Variants in IL1RAPL2 observed in about 807,000 individuals in gnomAD.
IL1RAPL2 encodes the protein X-linked interleukin-1 receptor accessory protein-like 2.
A neutral mutation model predicts 44.1 loss-of-function variants in IL1RAPL2; 3 were observed. That is an observed-to-expected ratio of 0.07 (90% confidence interval 0.03 to 0.18). IL1RAPL2 has a LOEUF of 0.18. Among genes scored for constraint, IL1RAPL2 ranks in the 10% least tolerant of loss-of-function variants. The pLI is 1.00. For synonymous variants in IL1RAPL2, 181 were observed against 178.8 expected (o/e 1.01, Z -0.10); for missense variants, 391 against 496.4 (o/e 0.79, Z 2.02).
At chrX:104,575,958 A>G (rs1928236968) in intron 1 of IL1RAPL2, among the ~76,000 whole-genome samples, 1 of 111,477 alleles carries the variant, frequency 9.0e-6, no homozygotes, top group South Asian at 3.8e-4. Flanking sequence ...CCTAACGTCT[A>G]TTTCCTAGGT....
chrX:104,634,317 T>C (rs1480830622), intron 1 of IL1RAPL2, among the ~76,000 whole-genome samples: 1 of 111,865 alleles, frequency 8.9e-6, no homozygotes, highest in African/African-American at 3.3e-5. Context: ...GAATGTATAT[T>C]CTGTTGATTT....
At chrX:105,112,836 T>C (rs1428613662) in intron 2 of IL1RAPL2, among the ~76,000 whole-genome samples, 1 of 112,840 alleles carries the variant, frequency 8.9e-6, no homozygotes, top group Non-Finnish European at 1.9e-5. Flanking sequence ...GCTTTCTTGG[T>C]GCCCTTAAGG....
At chrX:105,763,739 C>A (rs1440990461) in intron 10 of IL1RAPL2, among the ~76,000 whole-genome samples, 1 of 110,891 alleles carries the variant, frequency 9.0e-6, no homozygotes, top group Non-Finnish European at 1.9e-5. Flanking sequence ...TCCTAAGAGC[C>A]AGTCAGCTCT....
At chrX:104,871,678 C>A (rs1368804043) in intron 2 of IL1RAPL2, among the ~76,000 whole-genome samples, 1 of 110,966 alleles carries the variant, frequency 9.0e-6, no homozygotes, top group Non-Finnish European at 1.9e-5. Context: ...TGGAAGGATT[C>A]AAATATGACA....
At chrX:105,624,615 C>CCCT (rs1214958417) in intron 6 of IL1RAPL2, among the ~76,000 whole-genome samples, 1 of 110,862 alleles carries the variant, frequency 9.0e-6, no homozygotes, top group Non-Finnish European at 1.9e-5. Flanking sequence ...TAGCATTCAC[C>CCCT]CCTAGATATG....
intron 5 of IL1RAPL2, among the ~76,000 whole-genome samples, chrX:105,394,165 A>G (rs1355663053): frequency 7.1e-5 from 8 of 112,271 alleles, no homozygotes; most frequent in Admixed American, 6.6e-4. Flanking sequence ...CAGCATATCT[A>G]TAAGTCTTGG....
At chrX:105,097,543 C>T (rs1279709661) in intron 2 of IL1RAPL2, among the ~76,000 whole-genome samples, 1 of 110,530 alleles carries the variant, frequency 9.0e-6, no homozygotes, top group Non-Finnish European at 1.9e-5. Context: ...CAAGATTAAG[C>T]AACATTAAAT....
intron 5 of IL1RAPL2, among the ~76,000 whole-genome samples, chrX:105,441,625 G>T (rs934097519): frequency 2.7e-5 from 3 of 111,375 alleles, no homozygotes; most frequent in Non-Finnish European, 5.6e-5. Flanking sequence ...AGATTCAAAC[G>T]TTCTCTCATA....
chrX:104,921,784 G>A (rs1017653767), intron 2 of IL1RAPL2, among the ~76,000 whole-genome samples: 2 of 112,448 alleles, frequency 1.8e-5, no homozygotes, highest in Non-Finnish European at 3.8e-5. Context: ...TATCATGAAT[G>A]CCTGGAATGG....
intron 7 of IL1RAPL2, among the ~76,000 whole-genome samples, chrX:105,732,497 A>T (rs2038414748): frequency 9.1e-6 from 1 of 110,031 alleles, no homozygotes; most frequent in African/African-American, 3.3e-5. Flanking sequence ...CTGCTATGTG[A>T]GGATGCCTTG....
intron 2 of IL1RAPL2, among the ~76,000 whole-genome samples, chrX:104,709,601 C>T (rs1170776200): frequency 1.8e-5 from 2 of 111,056 alleles, no homozygotes; most frequent in African/African-American, 6.5e-5. Flanking sequence ...TCATTCATGA[C>T]TCTTCTCTTT....
At chrX:105,406,018 G>A (rs1195641917) in intron 5 of IL1RAPL2, 43 of 1,205,594 alleles carry the variant, frequency 3.6e-5, no homozygotes, top group Non-Finnish European at 4.7e-5. Context: ...CACACAGACT[G>A]GCTGACATTA....
At chrX:105,638,578 TA>T (rs1478648492) in intron 6 of IL1RAPL2, among the ~76,000 whole-genome samples, 2 of 112,178 alleles carry the variant, frequency 1.8e-5, no homozygotes, top group African/African-American at 3.2e-5. Flanking sequence ...ATCATAATTC[TA>T]ATCAACATGA....
chrX:105,616,219 A>T (rs1361500545), intron 6 of IL1RAPL2, among the ~76,000 whole-genome samples: 1 of 112,051 alleles, frequency 8.9e-6, no homozygotes, highest in Non-Finnish European at 1.9e-5. Context: ...ATGCATGAGC[A>T]AGAGTGCGAA....
intron 1 of IL1RAPL2, among the ~76,000 whole-genome samples, chrX:104,642,104 C>T (rs1018267642): frequency 1.8e-5 from 2 of 111,467 alleles, no homozygotes; most frequent in African/African-American, 3.3e-5. Flanking sequence ...CCCTTTCCCT[C>T]AATTGGAAAG....
intron 1 of IL1RAPL2, among the ~76,000 whole-genome samples, chrX:104,595,432 T>C (rs186653877): frequency 2.7e-5 from 3 of 111,188 alleles, no homozygotes; most frequent in Non-Finnish European, 3.8e-5. Flanking sequence ...GGTGGTGATG[T>C]TGGATTTACT....
chrX:105,526,973 G>A (rs2036599154), intron 6 of IL1RAPL2, among the ~76,000 whole-genome samples: 1 of 111,368 alleles, frequency 9.0e-6, no homozygotes, highest in Non-Finnish European at 1.9e-5. Flanking sequence ...ATAACAATAA[G>A]GTTGAGCAAG....
chrX:104,629,414 G>A (rs770481175), intron 1 of IL1RAPL2, among the ~76,000 whole-genome samples: 1 of 111,761 alleles, frequency 8.9e-6, no homozygotes, highest in Non-Finnish European at 1.9e-5. Context: ...TGAGCTCCTT[G>A]TGTATTCTGT....
intron 2 of IL1RAPL2, among the ~76,000 whole-genome samples, chrX:105,072,878 T>C (rs2032227417): frequency 9.2e-6 from 1 of 108,959 alleles, no homozygotes; most frequent in African/African-American, 3.4e-5. Context: ...ATTGTTCAGC[T>C]CCTACTTACG....
Sources: allele counts gnomAD v4.1 joint callset (sites outside exome capture counted in the v4.1 genomes callset), GRCh38; gene constraint gnomAD v4.1.1; transcripts MANE v1.5; gene names NCBI Gene and HGNC (gene_info 2026-07-23, HGNC 2026-07-21).